TRIL: variants seen among roughly 807,000 people sequenced by gnomAD.
TRIL encodes TLR4 interactor with leucine rich repeats.
Under a neutral mutation model 43.0 loss-of-function variants are expected in TRIL, and 23 were observed. That is an observed-to-expected ratio of 0.54 (90% CI 0.39 to 0.76). The LOEUF is 0.76. Ranked by LOEUF, TRIL falls within the 30% of genes least tolerant of loss-of-function variation. TRIL has a pLI of 0.00. For missense variants in TRIL, 1,114 were observed against 1,139.3 expected, an observed-to-expected ratio of 0.98 and a Z score of 0.32; for synonymous variants, 602 against 556.8, an observed-to-expected ratio of 1.08 and a Z score of -1.14.
Position 28,957,890 on chromosome 7 carries a change from T to C in TRIL, c.157A>G (p.Ser53Gly). The C allele has an allele frequency of 6.2e-7, 1 of 1,613,298 alleles. No individual in the cohort carries two copies. The highest frequency in any genetic ancestry group is 1.3e-5 in the African/African-American group (1 of 75,054). ...NRGLRVVPKTSSLPSPHDVLT... is the reference protein window; with the variant it reads ...NRGLRVVPKTGSLPSPHDVLT... ...ACGTCGTGGGGGCTCGGCAGCGAGC[T>C]GGTCTTGGGCACTACGCGGAGCCCC... The change falls in exon 1 of 1, where the codon AGC becomes GGC. Residue 53 changes from serine (S) to glycine (G), a missense_variant. Ser to Gly is a moderately conservative substitution (Grantham distance 56). Coordinates refer to ENST00000539664, the MANE Select transcript of TRIL (RefSeq NM_014817.4).
rs907704565 is a variant in TRIL at position 28,957,782 on chromosome 7, C to T, written c.265G>A (p.Asp89Asn). 2 of 1,613,974 alleles carry T rather than the reference C, an allele frequency of 1.2e-6. No homozygotes were observed. Among genetic ancestry groups the T allele is most frequent in the Non-Finnish European group, 1.7e-6 (2 of 1,179,854 alleles). ...GAGCGGATCTGGTTGTACTGCAGGT[C>T]CAGCCGTCTGAGCTGCCCCAGACGG... ...FHRLGQLRRL[D>N]LQYNQIRSLH... The change falls in exon 1 of 1, where the codon GAC becomes AAC. Residue 89 changes from aspartate to asparagine, a missense_variant. Physicochemically the swap from Asp to Asn is conservative, Grantham distance 23. Transcript: ENST00000539664.
rs1347825700 is a variant in TRIL at position 28,955,617 on chromosome 7, G to A, written c.2430C>T (p.Ala810=). 1.3e-6 allele frequency: 2 copies of A among 1,537,794 alleles called. No individual in the cohort carries two copies. Among genetic ancestry groups the A allele is most frequent in the Middle Eastern group, 1.7e-4 (1 of 5,978 alleles). ...RREDRLLQRF[A]D is the part of the protein sequence containing the mutation. ...GTCTCTATATGCCCTGGACCTAGTC[G>A]GCAAATCGCTGCAGGAGACGGTCCT... is the stretch of plus-strand genomic sequence containing the variant. Residue 810 remains alanine (A), a synonymous_variant, in exon 1 of 1, where the codon GCC becomes GCT. Transcript: ENST00000539664.
In TRIL at chr7:28,956,194, G is replaced by T. The variant is rs1254766757; in HGVS notation, c.1853C>A (p.Ala618Glu). 1 of 1,566,220 alleles carries T rather than the reference G, an allele frequency of 6.4e-7. No individual in the cohort carries two copies. Among genetic ancestry groups the T allele is most frequent in the Non-Finnish European group, 8.6e-7 (1 of 1,157,632 alleles). Reference protein sequence around the residue: ...EHRSPRPLGGARFRLLFDRFG... With the variant: ...EHRSPRPLGGERFRLLFDRFG... Reference sequence around the variant, plus strand: ...GCGGTCAAAGAGCAGGCGGAAGCGCGCGCCGCCCAGCGGCCGGGGACTGCG... The same window carrying T: ...GCGGTCAAAGAGCAGGCGGAAGCGCTCGCCGCCCAGCGGCCGGGGACTGCG... Residue 618 changes from alanine (A) to glutamate (E), a missense_variant, in exon 1 of 1, where the codon GCG becomes GAG. Ala to Glu is a moderately radical substitution (Grantham distance 107, BLOSUM62 -1). Coordinates refer to ENST00000539664, the MANE Select transcript of TRIL (RefSeq NM_014817.4).
At position 28,958,019 on chromosome 7, in the gene TRIL, G is replaced by GGAGGCGC; in HGVS notation, c.21_27dup (p.Leu10AlafsTer264). ...GCGAGGCAGCCGCACACCACGAGCA[G>GGAGGCGC]GAGGCGCAAGGCGCGGGCAGCCTCC... On this transcript the variant is annotated frameshift_variant, in exon 1 of 1. Coordinates refer to ENST00000539664, the MANE Select transcript of TRIL (RefSeq NM_014817.4). LOFTEE classifies it high-confidence loss of function. 6.3e-7 allele frequency: 1 copy of GGAGGCGC among 1,578,600 alleles called. No individual in the cohort carries two copies. Among genetic ancestry groups the GGAGGCGC allele is most frequent in the Non-Finnish European group, 8.6e-7 (1 of 1,169,122 alleles).
At position 28,956,781 on chromosome 7, in the gene TRIL, G is replaced by A; in HGVS notation, c.1266C>T (p.Ser422=). ...GSCADPSPSA[S]LTADRRRQPL... is the part of the protein sequence containing the mutation. ...GCTGCCGCCTGCGGTCAGCGGTCAG[G>A]GAAGCTGAGGGCGAGGGATCCGCGC... The change falls in exon 1 of 1, where the codon TCC becomes TCT. Residue 422 remains serine, a synonymous_variant. Coordinates refer to ENST00000539664, the MANE Select transcript of TRIL (RefSeq NM_014817.4). The A allele has an allele frequency of 6.2e-7, 1 of 1,610,352 alleles. No individual in the cohort carries two copies. Among genetic ancestry groups the A allele is most frequent in the Non-Finnish European group, 8.5e-7 (1 of 1,179,360 alleles).
In TRIL at chr7:28,956,414, C is replaced by A; in HGVS notation, c.1633G>T (p.Asp545Tyr). The A allele has an allele frequency of 6.5e-7, 1 of 1,536,574 alleles. No homozygotes were observed. The highest frequency in any genetic ancestry group is 8.7e-7 in the Non-Finnish European group (1 of 1,147,746). The part of the protein sequence containing the change: ...SPGSAPSPAG[D>Y]PWQRATKHRL... ...TGCTTCGTCGCGCGCTGCCAGGGGT[C>A]GCCGGCGGGCGATGGCGCAGAGCCA... The change falls in exon 1 of 1, where the codon GAC (aspartate) becomes TAC (tyrosine). Residue 545 changes from aspartate (D) to tyrosine (Y), a missense_variant. By Grantham distance (160) the Asp-to-Tyr change is radical. Coordinates refer to ENST00000539664, the MANE Select transcript of TRIL (RefSeq NM_014817.4).
Position 28,955,922 on chromosome 7 carries a change from G to T in TRIL, c.2125C>A (p.Leu709Met). The change falls in exon 1 of 1, where the codon CTG becomes ATG. Residue 709 changes from leucine (L) to methionine (M), a missense_variant. Leu to Met is a conservative substitution (Grantham distance 15, BLOSUM62 2). Coordinates refer to ENST00000539664, the MANE Select transcript of TRIL (RefSeq NM_014817.4). ...TLALLTVNAL[L>M]VLLALAAWAS... The stretch of plus-strand genomic sequence containing the variant: ...CAGGCCGCCAAGGCCAGGAGCACCA[G>T]CAGCGCGTTGACCGTCAGCAGGGCC... The T allele has an allele frequency of 6.4e-7, 1 of 1,552,808 alleles. No individual in the cohort carries two copies. The highest frequency in any genetic ancestry group is 8.7e-7 in the Non-Finnish European group (1 of 1,150,448).
Position 28,956,652 on chromosome 7 carries a change from C to T in TRIL, c.1395G>A (p.Gly465=), listed in dbSNP as rs1783408534. The change falls in exon 1 of 1, where the codon GGG becomes GGA. Residue 465 remains glycine (G), a synonymous_variant. Transcript: ENST00000539664. ...QLQQQGRFLA[G]VAWDGAAREL... is the part of the protein sequence containing the mutation. ...CCCTGGCGGCCCCATCCCAGGCCACCCCAGCTAGAAATCGCCCCTGCTGCT... is the reference window on the plus strand; with the variant it reads ...CCCTGGCGGCCCCATCCCAGGCCACTCCAGCTAGAAATCGCCCCTGCTGCT... 3 of 1,573,632 alleles carry T rather than the reference C, an allele frequency of 1.9e-6. No individual in the cohort carries two copies. The highest frequency in any genetic ancestry group is 2.6e-6 in the Non-Finnish European group (3 of 1,163,408).
chr7:28,956,428 G>A lies in TRIL; in HGVS notation c.1619C>T (p.Pro540Leu). The change falls in exon 1 of 1, where the codon CCA becomes CTA. Residue 540 changes from proline to leucine, a missense_variant. By Grantham distance (98) the Pro-to-Leu change is moderately conservative. Transcript: ENST00000539664. ...PTPTASPGSA[P>L]SPAGDPWQRA... ...CTGCCAGGGGTCGCCGGCGGGCGAT[G>A]GCGCAGAGCCAGGAGAGGCCGTTGG... The A allele has an allele frequency of 6.5e-7, 1 of 1,540,358 alleles. No homozygotes were observed. The highest frequency in any genetic ancestry group is 8.7e-7 in the Non-Finnish European group (1 of 1,149,786).
In TRIL at chr7:28,954,738, C is replaced by T. The variant is rs980180888; in HGVS notation, c.*873G>A. On this transcript the variant is annotated 3_prime_UTR_variant, in exon 1 of 1. Coordinates refer to ENST00000539664, the MANE Select transcript of TRIL (RefSeq NM_014817.4). ...CCCAGTGGGTCATCAGCTACATATA[C>T]ATCACATTCTTTTATCAAATCTGGC... 3 of 152,200 alleles carry T rather than the reference C, an allele frequency of 2.0e-5. No homozygotes were observed. Among genetic ancestry groups the T allele is most frequent in the African/African-American group, 7.2e-5 (3 of 41,450 alleles). 9.4% of individuals were successfully genotyped at this position (152,200 alleles called of 1,614,324 possible). A position where few individuals can be genotyped will look rare whatever the true frequency, so the allele number is the denominator to read the frequency against.
chr7:28,954,902 C>A lies in TRIL; in HGVS notation c.*709G>T, dbSNP rs1039438788. ...CTTAGTTATCCTCGAAGTCAGCAAG[C>A]GCTCTTGTACTGTTAATATTAAAAG... On this transcript the variant is annotated 3_prime_UTR_variant, in exon 1 of 1. Transcript: ENST00000539664. 6.6e-6 allele frequency: 1 copy of A among 152,154 alleles called. No individual in the cohort carries two copies. Among genetic ancestry groups the A allele is most frequent in the Non-Finnish European group, 1.5e-5 (1 of 68,040 alleles). 9.4% of individuals were successfully genotyped at this position (152,154 alleles called of 1,614,324 possible).
chr7:28,956,595 C>T lies in TRIL; in HGVS notation c.1452G>A (p.Leu484=). Residue 484 remains leucine (L), a synonymous_variant, in exon 1 of 1, where the codon CTG becomes CTA. Transcript: ENST00000539664. ...ELVGNRSALR[L]SRRGPGLQQP... ...GCTGGAGGCCCGGGCCCCGCCGACTCAGCCTTAGGGCGCTGCGGTTGCCTA... is the reference window on the plus strand; with the variant it reads ...GCTGGAGGCCCGGGCCCCGCCGACTTAGCCTTAGGGCGCTGCGGTTGCCTA... 6.4e-7 allele frequency: 1 copy of T among 1,560,844 alleles called. No individual in the cohort carries two copies. Among genetic ancestry groups the T allele is most frequent in the Non-Finnish European group, 8.6e-7 (1 of 1,160,792 alleles).
chr7:28,956,398 G>C lies in TRIL; in HGVS notation c.1649C>G (p.Ala550Gly), dbSNP rs1783403242. ...PSPAGDPWQRATKHRLGTEHQ... is the reference protein window; with the variant it reads ...PSPAGDPWQRGTKHRLGTEHQ... ...CTCCGTGCCCAGACGATGCTTCGTC[G>C]CGCGCTGCCAGGGGTCGCCGGCGGG... Residue 550 changes from alanine to glycine, a missense_variant, in exon 1 of 1, where the codon GCG (alanine) becomes GGG (glycine). Physicochemically the swap from Ala to Gly is moderately conservative, Grantham distance 60 (BLOSUM62 0). Coordinates refer to ENST00000539664, the MANE Select transcript of TRIL (RefSeq NM_014817.4). The C allele has an allele frequency of 6.5e-7, 1 of 1,535,510 alleles. No individual in the cohort carries two copies. Among genetic ancestry groups the C allele is most frequent in the Non-Finnish European group, 8.7e-7 (1 of 1,147,064 alleles).
rs1180122689 is a variant in TRIL, at chr7:28,955,488, CCT to C, written c.*121_*122del. The C allele has an allele frequency of 1.8e-5, 24 of 1,366,958 alleles. No homozygotes were observed. Among genetic ancestry groups the C allele is most frequent in the Non-Finnish European group, 1.9e-5 (20 of 1,039,120 alleles). The allele number at this position is 1,366,958 out of a possible 1,614,324, so 84.7% of individuals were successfully genotyped here. ...ATTGGGGGATGGTGCCCGAATTGGC[CCT>C]CTGTCCCCACCGGCCTCTCTGGCAA... On this transcript the variant is annotated 3_prime_UTR_variant, in exon 1 of 1. Transcript: ENST00000539664.
In TRIL at chr7:28,956,198, C is replaced by A; in HGVS notation, c.1849G>T (p.Gly617Cys). 1 of 1,566,412 alleles carries A rather than the reference C, an allele frequency of 6.4e-7. No homozygotes were observed. Among genetic ancestry groups the A allele is most frequent in the East Asian group, 2.3e-5 (1 of 42,666 alleles). Residue 617 changes from glycine (G) to cysteine (C), a missense_variant, in exon 1 of 1, where the codon GGC (glycine) becomes TGC (cysteine). By Grantham distance (159) the Gly-to-Cys change is radical (BLOSUM62 -3). Transcript: ENST00000539664. ...REHRSPRPLG[G>C]ARFRLLFDRF... The stretch of plus-strand genomic sequence containing the variant: ...TCAAAGAGCAGGCGGAAGCGCGCGC[C>A]GCCCAGCGGCCGGGGACTGCGGTGC...
Position 28,956,252 on chromosome 7 carries a change from T to C in TRIL, c.1795A>G (p.Ser599Gly), listed in dbSNP as rs1783400751. The C allele has an allele frequency of 3.2e-6, 5 of 1,547,992 alleles. No individual in the cohort carries two copies. The highest frequency in any genetic ancestry group is 3.3e-4 in the Middle Eastern group (2 of 5,988). ...NLTVEAVGAD[S>G]ASVRWAVREH... ...CGCACGGCCCAGCGCACCGAGGCGC[T>C]GTCTGCGCCCACCGCCTCCACCGTC... Residue 599 changes from serine (S) to glycine (G), a missense_variant, in exon 1 of 1, where the codon AGC becomes GGC. By Grantham distance (56) the Ser-to-Gly change is moderately conservative (BLOSUM62 0). Coordinates refer to ENST00000539664, the MANE Select transcript of TRIL (RefSeq NM_014817.4).
At position 28,957,615 on chromosome 7, in the gene TRIL, G is replaced by A. The variant is rs575960812; in HGVS notation, c.432C>T (p.Ser144=). The change falls in exon 1 of 1, where the codon AGC becomes AGT. Residue 144 remains serine (S), a synonymous_variant. Transcript: ENST00000539664. ...RILYANGNEI[S]RLSRGSFEGL... ...CCTCGAAGGAGCCGCGGCTTAGGCG[G>A]CTGATCTCGTTCCCGTTGGCGTAGA... 6 of 1,611,400 alleles carry A rather than the reference G, an allele frequency of 3.7e-6. No individual in the cohort carries two copies. The highest frequency in any genetic ancestry group is 1.3e-5 in the African/African-American group (1 of 75,032).
Position 28,954,424 on chromosome 7 carries a change from G to A in TRIL, c.*1187C>T, listed in dbSNP as rs574707899. 6 of 152,740 alleles carry A rather than the reference G, an allele frequency of 3.9e-5. No individual in the cohort carries two copies. Among genetic ancestry groups the A allele is most frequent in the African/African-American group, 1.4e-4 (6 of 41,570 alleles). 9.5% of individuals were successfully genotyped at this position (152,740 alleles called of 1,614,324 possible). A position where few individuals can be genotyped will look rare whatever the true frequency, so the allele number is the denominator to read the frequency against. On this transcript the variant is annotated 3_prime_UTR_variant, in exon 1 of 1. Transcript: ENST00000539664. ...TACTCATAACAATCTTCTGGTTTTA[G>A]TAGAACAGATACCCACTGGTGTATT...
At position 28,956,523 on chromosome 7, in the gene TRIL, G is replaced by A. The variant is rs779926278; in HGVS notation, c.1524C>T (p.Ser508=). ...GCTGGGGCTTCTTGTGCAGGTCTAG[G>A]GACTGTGGAGCCGGGCCCGCGGCGG... ...VAAAAGPAPQ[S]LDLHKKPQRG... is the part of the protein sequence containing the mutation. The change falls in exon 1 of 1, where the codon TCC becomes TCT. Residue 508 remains serine (S), a synonymous_variant. Transcript: ENST00000539664. The A allele has an allele frequency of 8.3e-6, 13 of 1,566,240 alleles. No homozygotes were observed. The South Asian group carries it at 1.4e-4, about 17-fold the overall frequency.
Sources: gnomAD v4.1 joint callset for allele counts on GRCh38, gnomAD v4.1.1 for gene constraint, MANE v1.5 for transcripts, NCBI Gene and HGNC (gene_info 2026-07-23, HGNC 2026-07-21) for gene names.